EYS: variants seen among roughly 807,000 people sequenced by gnomAD.
The protein encoded by EYS is EGF-like photoreceptor maintenance factor.
Under a neutral mutation model 282.1 loss-of-function variants are expected in EYS, and 250 were observed. The observed-to-expected ratio is 0.89, with a 90% CI of 0.80 to 0.98. The LOEUF is 0.98. Ranked by LOEUF, EYS falls within the 50% of genes least tolerant of loss-of-function variation. EYS has a pLI of 0.00. For missense variants in EYS, 4,016 were observed against 3,709.0 expected (o/e 1.08, Z -2.15); for synonymous variants, 1,355 against 1,282.9 (o/e 1.06, Z -1.20).
intron 12 of EYS, among the ~76,000 whole-genome samples, chr6:65,065,029 T>C (rs1359599588): frequency 6.6e-6 from 1 of 152,152 alleles, no homozygotes; most frequent in Admixed American, 6.6e-5. Context: ...TGACTTGAGA[T>C]CTGATTCTTT....
chr6:63,742,572 C>T (rs571730592), intron 41 of EYS, among the ~76,000 whole-genome samples: 1 of 152,298 alleles, frequency 6.6e-6, no homozygotes, highest in Non-Finnish European at 1.5e-5. Context: ...TTTTTGAGTA[C>T]ATCCTAACCC....
chr6:64,503,146 C>T (rs1384644731), intron 26 of EYS, among the ~76,000 whole-genome samples: 1 of 152,126 alleles, frequency 6.6e-6, no homozygotes, highest in African/African-American at 2.4e-5. Flanking sequence ...TTTTTACATG[C>T]TTTACTTAAT....
chr6:65,691,604 AT>A (rs1037060999), intron 1 of EYS, among the ~76,000 whole-genome samples: 1 of 150,448 alleles, frequency 6.6e-6, no homozygotes, highest in African/African-American at 2.4e-5. Context: ...CCATTTGTCA[AT>A]TTTGGCTTTT....
intron 36 of EYS, among the ~76,000 whole-genome samples, chr6:63,859,897 G>T (rs1408890204): frequency 6.6e-6 from 1 of 152,124 alleles, no homozygotes; most frequent in Admixed American, 6.6e-5. Context: ...AACATATTAA[G>T]ATGGTAGATA....
At chr6:63,879,081 C>A (rs1773059212) in intron 35 of EYS, among the ~76,000 whole-genome samples, 1 of 152,134 alleles carries the variant, frequency 6.6e-6, no homozygotes, top group South Asian at 2.1e-4. Flanking sequence ...TCCTATTTGT[C>A]CATCTGGGAA....
intron 30 of EYS, among the ~76,000 whole-genome samples, chr6:64,297,656 T>C (rs888052264): frequency 3.3e-5 from 5 of 152,116 alleles, no homozygotes; most frequent in African/African-American, 1.2e-4. Flanking sequence ...AAACCAATAA[T>C]TCTATATTTG....
intron 36 of EYS, among the ~76,000 whole-genome samples, chr6:63,810,815 C>G (rs1771028414): frequency 6.6e-6 from 1 of 152,190 alleles, no homozygotes; most frequent in South Asian, 2.1e-4. Flanking sequence ...AATGCTTCCT[C>G]TCTCCTCAAA....
At chr6:65,307,386 A>G (rs1305548575) in intron 11 of EYS, among the ~76,000 whole-genome samples, 5 of 152,204 alleles carry the variant, frequency 3.3e-5, no homozygotes, top group East Asian at 1.9e-4. Flanking sequence ...TCTAGGGCTT[A>G]CCTCATTTCT....
chr6:64,055,072 T>C (rs1389580358), intron 33 of EYS, among the ~76,000 whole-genome samples: 2 of 152,192 alleles, frequency 1.3e-5, no homozygotes, highest in African/African-American at 4.8e-5. Flanking sequence ...ATGACCCTCC[T>C]GGAGCTTGGC....
intron 26 of EYS, among the ~76,000 whole-genome samples, chr6:64,531,061 T>C (rs1040786640): frequency 2.6e-5 from 4 of 152,210 alleles, no homozygotes; most frequent in Non-Finnish European, 5.9e-5. Flanking sequence ...TGAGTTCTCA[T>C]GCTATAGAGC....
intron 2 of EYS, among the ~76,000 whole-genome samples, chr6:65,528,389 A>G (rs1268532278): frequency 6.6e-6 from 1 of 152,220 alleles, no homozygotes; most frequent in African/African-American, 2.4e-5. Context: ...ATGAGGATCT[A>G]TGATGGATGT....
chr6:65,698,813 G>GT (rs1356895391), intron 1 of EYS, among the ~76,000 whole-genome samples: 1 of 152,122 alleles, frequency 6.6e-6, no homozygotes, highest in Non-Finnish European at 1.5e-5. Context: ...AATTCTTGAA[G>GT]TTTTTTCTAA....
intron 12 of EYS, among the ~76,000 whole-genome samples, chr6:65,286,486 T>G (rs982468520): frequency 2.0e-5 from 3 of 151,760 alleles, no homozygotes; most frequent in African/African-American, 7.2e-5. Flanking sequence ...TTTCTACATG[T>G]GTTGAATTAA....
intron 22 of EYS, among the ~76,000 whole-genome samples, chr6:64,779,643 TAAC>T (rs1773796758): frequency 6.6e-6 from 1 of 152,092 alleles, no homozygotes; most frequent in African/African-American, 2.4e-5. Context: ...GGACTTTAGT[TAAC>T]AATAATGTAC....
At chr6:65,330,510 G>C in intron 11 of EYS, 2 of 984,210 alleles carry the variant, frequency 2.0e-6, no homozygotes, top group Non-Finnish European at 2.4e-6. Context: ...TAAACCCCCA[G>C]AAAAATTTTT....
chr6:64,192,890 C>G (rs1263146586), intron 31 of EYS, among the ~76,000 whole-genome samples: 1 of 152,128 alleles, frequency 6.6e-6, no homozygotes. Context: ...ATCCTTGTCC[C>G]ATTGATCTTT....
At chr6:63,826,309 A>G (rs1030636071) in intron 36 of EYS, among the ~76,000 whole-genome samples, 4 of 152,210 alleles carry the variant, frequency 2.6e-5, no homozygotes, top group South Asian at 2.1e-4. Flanking sequence ...AGCCTGGAAA[A>G]CGTATTTGGG....
At chr6:64,952,926 T>C (rs1769563204) in intron 14 of EYS, among the ~76,000 whole-genome samples, 1 of 151,980 alleles carries the variant, frequency 6.6e-6, no homozygotes, top group Non-Finnish European at 1.5e-5. Context: ...AATGTTTGAC[T>C]GAATAGGTGC....
At chr6:65,183,915 T>C (rs1439937006) in intron 12 of EYS, among the ~76,000 whole-genome samples, 3 of 151,920 alleles carry the variant, frequency 2.0e-5, no homozygotes, top group African/African-American at 7.2e-5. Flanking sequence ...CATTTTAAGC[T>C]GAAATACAGT....
Sources: allele counts gnomAD v4.1 joint callset (sites outside exome capture counted in the v4.1 genomes callset), GRCh38; gene constraint gnomAD v4.1.1; transcripts MANE v1.5; gene names NCBI Gene and HGNC (gene_info 2026-07-23, HGNC 2026-07-21).